Variants in RUFY1 observed in about 807,000 individuals in gnomAD.
The protein encoded by RUFY1 is RUN and FYVE domain containing 1, also known as RUN and FYVE domain-containing protein 1.
In RUFY1, 54 loss-of-function variants were observed where a neutral mutation model predicts 94.6. That is an observed-to-expected ratio of 0.57 (90% CI 0.46 to 0.72). The LOEUF is 0.72. RUFY1 is among the 30% of genes least tolerant of loss of function. The pLI, the probability that RUFY1 is intolerant of heterozygous loss-of-function variation, is 0.00. For synonymous variants in RUFY1, 396 were observed against 347.3 expected (o/e 1.14, Z -1.56); for missense variants, 883 against 883.9 (o/e 1.00, Z 0.01).
At chr5:179,569,569 G>C in intron 5 of RUFY1, 144 bp downstream of exon 5, 1 of 808,848 alleles carries the variant, frequency 1.2e-6, no homozygotes, top group South Asian at 1.5e-5. Context: ...GCTGGGGAAG[G>C]TCTCGGAAGG....
intron 7 of RUFY1, among the ~76,000 whole-genome samples, chr5:179,583,074 A>C (rs1764285532): frequency 6.6e-6 from 1 of 151,934 alleles, no homozygotes; most frequent in African/African-American, 2.4e-5. Flanking sequence ...AGGCCAAGGC[A>C]GATGGATTAC....
At chr5:179,565,273 G>C (rs1342665681) in intron 3 of RUFY1, among the ~76,000 whole-genome samples, 2 of 146,776 alleles carry the variant, frequency 1.4e-5, no homozygotes, top group Non-Finnish European at 3.0e-5. Context: ...CTGCCTCCCG[G>C]GTTCAAGCCA....
intron 16 of RUFY1, chr5:179,607,283 A>C: frequency 4.7e-6 from 2 of 426,162 alleles, no homozygotes; most frequent in East Asian, 4.7e-5. Flanking sequence ...AGCCAAAGGG[A>C]ACTGATTGAA....
rs548627722 is a variant in RUFY1 at position 179,586,534 on chromosome 5, C to A, written c.1026+669C>A. 159 of 437,258 alleles carry A rather than the reference C, an allele frequency of 3.6e-4. 2 individuals carry two copies. Among genetic ancestry groups the A allele is most frequent in the African/African-American group, 3.1e-3 (151 of 49,268 alleles). The allele number at this position is 437,258 out of a possible 1,614,324, so 27.1% of individuals were successfully genotyped here. On this transcript the variant is annotated intron_variant, in intron 8 of 17. Transcript: ENST00000319449. ...AGAAGGACAAGGGCTCTGAGAGGGG[C>A]TTGAGAAGGAACACCTCCACGGCAT...
Position 179,550,707 on chromosome 5 carries a change from C to T in RUFY1, c.138C>T (p.Gly46=). 2 of 1,490,002 alleles carry T rather than the reference C, an allele frequency of 1.3e-6. No individual in the cohort carries two copies. The highest frequency in any genetic ancestry group is 8.9e-7 in the Non-Finnish European group (1 of 1,125,184). The allele number at this position is 1,490,002 out of a possible 1,614,324, so 92.3% of individuals were successfully genotyped here. ...FEIVDRSQLP[G]PGDLRSATRP... ...TCGTGGACCGAAGCCAGCTGCCCGG[C>T]CCAGGCGACCTGCGGAGCGCAACGA... The change falls in exon 1 of 18, where the codon GGC becomes GGT. Residue 46 remains glycine, a synonymous_variant. Transcript: ENST00000319449.
In RUFY1 at chr5:179,609,532, A is replaced by C. The variant is rs1389945071; in HGVS notation, c.*13A>C. On this transcript the variant is annotated 3_prime_UTR_variant, in exon 18 of 18. Coordinates refer to ENST00000319449, the MANE Select transcript of RUFY1 (RefSeq NM_025158.5). ...CACGGCCTCCTGAACGTCCGTCCTC[A>C]GGAGCACAGCCTCACGGACAGTGCC... 4.4e-6 allele frequency: 7 copies of C among 1,591,098 alleles called. No homozygotes were observed. Among genetic ancestry groups the C allele is most frequent in the Non-Finnish European group, 6.0e-6 (7 of 1,173,134 alleles).
At chr5:179,556,396 A>C (rs1051425942) in intron 1 of RUFY1, among the ~76,000 whole-genome samples, 1 of 151,982 alleles carries the variant, frequency 6.6e-6, no homozygotes, top group Non-Finnish European at 1.5e-5. Flanking sequence ...GTGTATAAAA[A>C]TTTTTCTTCT....
At chr5:179,572,063 C>G (rs759025604) in intron 5 of RUFY1, 10 of 159,128 alleles carry the variant, frequency 6.3e-5, no homozygotes, top group Non-Finnish European at 1.4e-4. Context: ...TAAACATTAC[C>G]CTAACTTTTA....
At chr5:179,602,980 A>C (rs1049560141) in intron 15 of RUFY1, among the ~76,000 whole-genome samples, 4 of 152,188 alleles carry the variant, frequency 2.6e-5, no homozygotes, top group East Asian at 1.9e-4. Context: ...TACTATTAAG[A>C]AAATAGGCCG....
Position 179,559,329 on chromosome 5 carries a change from CATTT to C in RUFY1, c.311-695_311-692del, listed in dbSNP as rs764960740. Among the ~76,000 whole-genome samples the C allele has an allele frequency of 8.6e-4, 131 of 152,322 alleles. No homozygotes were observed. In the Middle Eastern group the frequency reaches 0.01, roughly 12 times the overall value. On this transcript the variant is annotated intron_variant, in intron 1 of 17. Coordinates refer to ENST00000319449, the MANE Select transcript of RUFY1 (RefSeq NM_025158.5). The stretch of plus-strand genomic sequence containing the variant: ...GAGTTGAAATGGAACTCTCTGAATT[CATTT>C]GACTCCAACGGTTTTCCTTACCAAA...
intron 9 of RUFY1, chr5:179,590,940 T>C (rs1166099097): frequency 6.6e-6 from 1 of 152,120 alleles, no homozygotes; most frequent in African/African-American, 2.4e-5. Flanking sequence ...TTCAAGCGAT[T>C]TTCCTGCCTC....
intron 8 of RUFY1, chr5:179,586,181 C>T (rs917526884): frequency 2.3e-6 from 1 of 440,968 alleles, no homozygotes; most frequent in African/African-American, 2.0e-5. Flanking sequence ...CTTTTTCTGC[C>T]CTTCCCATGA....
At chr5:179,558,666 T>A (rs1023716336) in intron 1 of RUFY1, among the ~76,000 whole-genome samples, 1 of 152,186 alleles carries the variant, frequency 6.6e-6, no homozygotes, top group African/African-American at 2.4e-5. Context: ...CTTAGGCTGT[T>A]TCTTCTTGCC....
intron 9 of RUFY1, among the ~76,000 whole-genome samples, chr5:179,590,321 T>C (rs1764955000): frequency 6.7e-6 from 1 of 148,972 alleles, no homozygotes; most frequent in Non-Finnish European, 1.5e-5. Context: ...GCCACTGCAC[T>C]CCAGCCTGGG....
At chr5:179,606,839 T>C (rs939777513) in intron 16 of RUFY1, 2 of 152,402 alleles carry the variant, frequency 1.3e-5, no homozygotes, top group Non-Finnish European at 2.9e-5. Flanking sequence ...GAGGATCTAT[T>C]TGTCAGCAAG....
intron 17 of RUFY1, among the ~76,000 whole-genome samples, chr5:179,608,944 G>A (rs1204938066): frequency 1.4e-4 from 21 of 146,444 alleles, no homozygotes; most frequent in South Asian, 6.5e-4. Flanking sequence ...AAAGCCGGGC[G>A]CGGTGTTTCA....
rs1009886617 is a variant in RUFY1, at chr5:179,576,199, C to T, written c.829-876C>T. On this transcript the variant is annotated intron_variant, in intron 5 of 17. Transcript: ENST00000319449. ...TCTATTGATGAACATTTAGGGTACACCCAGTTTTCCTGTATTTCAGATAAG... is the reference window on the plus strand; with the variant it reads ...TCTATTGATGAACATTTAGGGTACATCCAGTTTTCCTGTATTTCAGATAAG... Among the ~76,000 whole-genome samples the T allele has an allele frequency of 3.3e-5, 5 of 152,280 alleles. No individual in the cohort carries two copies. In the East Asian group the frequency reaches 5.8e-4, roughly 18 times the overall value.
Position 179,550,746 on chromosome 5 carries a change from C to T in RUFY1, c.177C>T (p.Ala59=), listed in dbSNP as rs777712837. The T allele has an allele frequency of 1.8e-5, 26 of 1,454,200 alleles. No homozygotes were observed. Among genetic ancestry groups the T allele is most frequent in the Non-Finnish European group, 2.3e-5 (25 of 1,104,436 alleles). The allele number at this position is 1,454,200 out of a possible 1,614,324, so 90.1% of individuals were successfully genotyped here. Residue 59 remains alanine (A), a synonymous_variant, in exon 1 of 18, where the codon GCC becomes GCT. Coordinates refer to ENST00000319449, the MANE Select transcript of RUFY1 (RefSeq NM_025158.5). ...DLRSATRPRA[A]EGWSAPILTL... ...GGAGCGCAACGAGGCCGCGGGCGGC[C>T]GAGGGCTGGTCGGCGCCCATCCTGA...
At chr5:179,577,001 C>G in intron 5 of RUFY1, 74 bp from the exon 6 acceptor site, 1 of 1,011,144 alleles carries the variant, frequency 9.9e-7, no homozygotes, top group Non-Finnish European at 1.6e-6. Context: ...AATGAAATAC[C>G]TGAATTTCAA....
Sources: gnomAD v4.1 joint callset for allele counts (sites outside exome capture counted in the v4.1 genomes callset) on GRCh38, gnomAD v4.1.1 for gene constraint, MANE v1.5 for transcripts, NCBI Gene and HGNC (gene_info 2026-07-23, HGNC 2026-07-21) for gene names.